RORA: variants seen among roughly 807,000 people sequenced by gnomAD.
RORA encodes the protein RAR related orphan receptor A, also known as nuclear receptor ROR-alpha.
RORA carries 7 observed loss-of-function variants against 69.5 expected under a neutral mutation model. That is an observed-to-expected ratio of 0.10 (90% confidence interval 0.06 to 0.19). The LOEUF is 0.19. RORA is among the 10% of genes least tolerant of loss of function. RORA has a pLI of 1.00. For missense variants in RORA, 457 were observed against 663.0 expected (o/e 0.69, Z 3.41); for synonymous variants, 261 against 240.8 (o/e 1.08, Z -0.78).
chr15:60,671,744 T>C (rs1332447647), intron 2 of RORA, among the ~76,000 whole-genome samples: 4 of 151,808 alleles, frequency 2.6e-5, no homozygotes, highest in Non-Finnish European at 5.9e-5. Flanking sequence ...CCCAAGTAGC[T>C]GAGATTACAG....
At chr15:61,126,879 G>A (rs1035526316) in intron 1 of RORA, among the ~76,000 whole-genome samples, 1 of 152,130 alleles carries the variant, frequency 6.6e-6, no homozygotes, top group Admixed American at 6.5e-5. Flanking sequence ...AAGCAACTTA[G>A]GTTGTTAAGT....
rs562181262 is a variant in RORA at position 60,520,652 on chromosome 15, G to A, written c.283-5895C>T. 8.5e-5 allele frequency among the ~76,000 whole-genome samples: 13 copies of A among 152,136 alleles called. No individual in the cohort carries two copies. The South Asian group carries it at 2.7e-3, about 32-fold the overall frequency. Reference sequence around the variant, plus strand: ...GAGTGAGCTGAGAGATGAATTCCAGGGATTGGAGGTCATACAGAGAGCAGG... The same window carrying A: ...GAGTGAGCTGAGAGATGAATTCCAGAGATTGGAGGTCATACAGAGAGCAGG... On this transcript the variant is annotated intron_variant, in intron 3 of 10. Transcript: ENST00000335670.
At chr15:61,185,227 G>T (rs2079729883) in intron 1 of RORA, among the ~76,000 whole-genome samples, 1 of 152,082 alleles carries the variant, frequency 6.6e-6, no homozygotes, top group South Asian at 2.1e-4. Context: ...GAAGCATGAA[G>T]TGATTATCTG....
intron 1 of RORA, among the ~76,000 whole-genome samples, chr15:60,780,890 G>C (rs1360666728): frequency 6.6e-6 from 1 of 152,174 alleles, no homozygotes; most frequent in East Asian, 1.9e-4. Flanking sequence ...GATAAAAGCT[G>C]ATTTTTACTT....
At chr15:60,543,834 T>C (rs2066983376) in intron 2 of RORA, among the ~76,000 whole-genome samples, 1 of 152,170 alleles carries the variant, frequency 6.6e-6, no homozygotes, top group African/African-American at 2.4e-5. Flanking sequence ...GAATGAAGGA[T>C]AGGTCACTGT....
At chr15:61,222,277 G>A (rs980276692) in intron 1 of RORA, among the ~76,000 whole-genome samples, 5 of 152,080 alleles carry the variant, frequency 3.3e-5, no homozygotes, top group African/African-American at 1.2e-4. Flanking sequence ...AAACCACAGC[G>A]CCATGCCACT....
chr15:61,102,489 A>T (rs1427023301), intron 1 of RORA, among the ~76,000 whole-genome samples: 1 of 152,132 alleles, frequency 6.6e-6, no homozygotes, highest in Non-Finnish European at 1.5e-5. Context: ...TTTGCTCTGT[A>T]TTCCCTCTGC....
chr15:60,956,396 C>T (rs1893269137), intron 1 of RORA, among the ~76,000 whole-genome samples: 4 of 152,152 alleles, frequency 2.6e-5, no homozygotes, highest in Admixed American at 2.0e-4. Flanking sequence ...CCAGGTAAGA[C>T]AGGTAATTTG....
At chr15:60,982,956 C>A (rs563149127) in intron 1 of RORA, among the ~76,000 whole-genome samples, 2 of 152,282 alleles carry the variant, frequency 1.3e-5, no homozygotes, top group East Asian at 3.9e-4. Flanking sequence ...GCACCTCCTG[C>A]TTCTCCTGGA....
intron 1 of RORA, among the ~76,000 whole-genome samples, chr15:61,048,577 C>T (rs997616444): frequency 7.2e-5 from 11 of 152,180 alleles, no homozygotes; most frequent in East Asian, 1.9e-4. Context: ...AGCGTCATGG[C>T]GGAGAAGCCA....
intron 1 of RORA, among the ~76,000 whole-genome samples, chr15:61,021,879 A>G (rs1328483001): frequency 6.6e-6 from 1 of 152,136 alleles, no homozygotes; most frequent in Non-Finnish European, 1.5e-5. Flanking sequence ...TACACATCCA[A>G]TTTCTTCTTA....
intron 1 of RORA, among the ~76,000 whole-genome samples, chr15:61,170,168 T>C (rs2079573094): frequency 1.3e-5 from 2 of 152,230 alleles, no homozygotes; most frequent in African/African-American, 4.8e-5. Flanking sequence ...TCAATTACCA[T>C]AAATGCAGTG....
chr15:60,753,257 G>C (rs1225625650), intron 1 of RORA, among the ~76,000 whole-genome samples: 1 of 152,142 alleles, frequency 6.6e-6, no homozygotes, highest in Non-Finnish European at 1.5e-5. Context: ...TCTGAGCCTT[G>C]GTTTTCTTAC....
At chr15:61,084,805 C>T (rs1466807157) in intron 1 of RORA, among the ~76,000 whole-genome samples, 1 of 151,582 alleles carries the variant, frequency 6.6e-6, no homozygotes, top group Non-Finnish European at 1.5e-5. Flanking sequence ...AAAATTCAGG[C>T]CCTTTCAGTT....
rs1453639442 is a variant in RORA, at chr15:60,489,715, C to T, written c.*7740G>A. On this transcript the variant is annotated 3_prime_UTR_variant, in exon 11 of 11. Coordinates refer to ENST00000335670, the MANE Select transcript of RORA (RefSeq NM_134261.3). ...TGGCAGAGGACGTCTCCATCCTTCTCATGACTCAGGTAGGAGGGGAAAGGT... is the reference window on the plus strand; with the variant it reads ...TGGCAGAGGACGTCTCCATCCTTCTTATGACTCAGGTAGGAGGGGAAAGGT... 1 of 152,164 alleles carries T rather than the reference C, an allele frequency of 6.6e-6. No individual in the cohort carries two copies. The highest frequency in any genetic ancestry group is 6.5e-5 in the Admixed American group (1 of 15,278). 9.4% of individuals were successfully genotyped at this position (152,164 alleles called of 1,614,324 possible).
chr15:61,222,765 T>C (rs573051995), intron 1 of RORA, among the ~76,000 whole-genome samples: 1 of 152,206 alleles, frequency 6.6e-6, no homozygotes, highest in Non-Finnish European at 1.5e-5. Context: ...AAACAACCTG[T>C]GCTTGGAAAG....
chr15:61,193,716 A>G (rs2079821576), intron 1 of RORA, among the ~76,000 whole-genome samples: 1 of 152,222 alleles, frequency 6.6e-6, no homozygotes, highest in African/African-American at 2.4e-5. Flanking sequence ...TTACATATGC[A>G]ATATCCTAAC....
At chr15:61,113,518 G>A (rs781546921) in intron 1 of RORA, among the ~76,000 whole-genome samples, 4 of 152,176 alleles carry the variant, frequency 2.6e-5, no homozygotes, top group Admixed American at 6.5e-5. Flanking sequence ...CCTAGGTCAG[G>A]TTCTCTTGAG....
At chr15:61,136,481 T>C (rs1305959592) in intron 1 of RORA, among the ~76,000 whole-genome samples, 1 of 152,180 alleles carries the variant, frequency 6.6e-6, no homozygotes, top group African/African-American at 2.4e-5. Context: ...TAAGTCCTTT[T>C]TTTCTTTTAA....
Sources: allele counts gnomAD v4.1 joint callset (sites outside exome capture counted in the v4.1 genomes callset), GRCh38; gene constraint gnomAD v4.1.1; transcripts MANE v1.5; gene names NCBI Gene and HGNC (gene_info 2026-07-23, HGNC 2026-07-21).